The following DNAJC3 variants were observed in gnomAD, a reference collection of about 807,000 sequenced individuals.
DNAJC3 encodes the protein DnaJ heat shock protein family (Hsp40) member C3.
In DNAJC3, 38 loss-of-function variants were observed where a neutral mutation model predicts 68.6. The ratio of observed to expected loss-of-function variants is 0.55; its 90% CI spans 0.43 to 0.73. DNAJC3 has a LOEUF of 0.73. Ranked by LOEUF, DNAJC3 falls within the 30% of genes least tolerant of loss-of-function variation. The pLI, the probability that DNAJC3 is intolerant of heterozygous loss-of-function variation, is 0.00. For synonymous variants in DNAJC3, 203 were observed against 204.0 expected, an observed-to-expected ratio of 1.00 and a Z score of 0.04; for missense variants, 526 against 591.9, an observed-to-expected ratio of 0.89 and a Z score of 1.16.
At chr13:95,755,517 G>A (rs777887483) in intron 4 of DNAJC3, among the ~76,000 whole-genome samples, 27 of 151,926 alleles carry the variant, frequency 1.8e-4, no homozygotes, top group Admixed American at 3.3e-4. Flanking sequence ...CCAGCACTTT[G>A]GGAGGCTGAG....
In DNAJC3 at chr13:95,690,907, C is replaced by T. The variant is rs535082360; in HGVS notation, c.82+13570C>T. On this transcript the variant is annotated intron_variant, in intron 1 of 11. Transcript: ENST00000602402. ...TCACTTCCCAGACGGGGCGGCTGGC[C>T]GGGCGGGGGGCTGACCCCCCCCACC... 3.7e-3 allele frequency among the ~76,000 whole-genome samples: 505 copies of T among 135,012 alleles called. 2 individuals are homozygous for T. The highest frequency in any genetic ancestry group is 0.013 in the African/African-American group (474 of 35,198). The allele number at this position is 135,012 out of a possible 152,430, so 88.6% of individuals were successfully genotyped here.
chr13:95,717,584 G>C, intron 2 of DNAJC3, among the ~76,000 whole-genome samples: 1 of 152,250 alleles, frequency 6.6e-6, no homozygotes, highest in African/African-American at 2.4e-5. Flanking sequence ...CCCAAATCTC[G>C]AATTGTAGCT....
At chr13:95,753,521 C>T (rs1882552291) in intron 4 of DNAJC3, among the ~76,000 whole-genome samples, 1 of 151,994 alleles carries the variant, frequency 6.6e-6, no homozygotes, top group Non-Finnish European at 1.5e-5. Context: ...CTACTTATCC[C>T]AAAACATTAA....
intron 4 of DNAJC3, among the ~76,000 whole-genome samples, chr13:95,729,939 G>A (rs1248557751): frequency 1.3e-5 from 2 of 152,080 alleles, no homozygotes; most frequent in East Asian, 3.9e-4. Flanking sequence ...TATATTTTCT[G>A]TAGTCAACAG....
intron 1 of DNAJC3, among the ~76,000 whole-genome samples, chr13:95,708,967 C>T (rs147879940): frequency 1.1e-4 from 16 of 152,274 alleles, no homozygotes; most frequent in Non-Finnish European, 1.8e-4. Flanking sequence ...TTCTGCATTA[C>T]ACAACTTCCC....
At chr13:95,748,798 A>G (rs1250861748) in intron 4 of DNAJC3, among the ~76,000 whole-genome samples, 1 of 152,252 alleles carries the variant, frequency 6.6e-6, no homozygotes, top group Non-Finnish European at 1.5e-5. Context: ...CCTGGGTGAC[A>G]GAGCCAGACT....
rs575918710 is a variant in DNAJC3, at chr13:95,740,486, G to A, written c.393+15234G>A. The stretch of plus-strand genomic sequence containing the variant: ...AGACTCCGTGGGCGTAGGACCCTCC[G>A]AGCCAGGTGCCGGATATAATCTCGT... On this transcript the variant is annotated intron_variant, in intron 4 of 11. Coordinates refer to ENST00000602402, the MANE Select transcript of DNAJC3 (RefSeq NM_006260.5). 6.6e-4 allele frequency among the ~76,000 whole-genome samples: 99 copies of A among 150,668 alleles called. 1 individual carries two copies. The Middle Eastern group carries it at 0.01, about 16-fold the overall frequency.
intron 4 of DNAJC3, among the ~76,000 whole-genome samples, chr13:95,741,600 G>A (rs555671222): frequency 1.7e-4 from 26 of 152,240 alleles, no homozygotes; most frequent in Non-Finnish European, 3.5e-4. Context: ...CAGGTGGGTG[G>A]GTCCGTGGGT....
At chr13:95,723,197 A>T (rs750859022) in intron 2 of DNAJC3, 45 bp from the exon 3 acceptor site, 1 of 1,520,034 alleles carries the variant, frequency 6.6e-7, no homozygotes, top group Non-Finnish European at 8.9e-7. Flanking sequence ...TTAAATTTTT[A>T]TTTTTGAATA....
At chr13:95,724,249 T>C (rs1031436004) in intron 3 of DNAJC3, among the ~76,000 whole-genome samples, 2 of 152,144 alleles carry the variant, frequency 1.3e-5, no homozygotes, top group African/African-American at 4.8e-5. Flanking sequence ...TAGTTTAATC[T>C]TGCTTTTTAT....
At chr13:95,771,163 T>C (rs1883147484) in intron 9 of DNAJC3, among the ~76,000 whole-genome samples, 1 of 152,192 alleles carries the variant, frequency 6.6e-6, no homozygotes, top group South Asian at 2.1e-4. Context: ...CTTCAACTTG[T>C]ATATCATTAA....
At chr13:95,736,604 C>CA (rs1881930383) in intron 4 of DNAJC3, among the ~76,000 whole-genome samples, 1 of 151,728 alleles carries the variant, frequency 6.6e-6, no homozygotes, top group South Asian at 2.1e-4. Context: ...GGAGTTCACT[C>CA]ATGATTTGGC....
At chr13:95,682,452 C>T (rs530407982) in intron 1 of DNAJC3, among the ~76,000 whole-genome samples, 4 of 152,162 alleles carry the variant, frequency 2.6e-5, no homozygotes, top group African/African-American at 4.8e-5. Context: ...TTGTAACTCA[C>T]GTCATACCTT....
chr13:95,783,838 T>A (rs908268076), intron 9 of DNAJC3, among the ~76,000 whole-genome samples: 1 of 151,998 alleles, frequency 6.6e-6, no homozygotes, highest in Admixed American at 6.6e-5. Context: ...GGGCAGGACT[T>A]ATTGGGTGAA....
intron 2 of DNAJC3, among the ~76,000 whole-genome samples, chr13:95,715,699 G>GA (rs1391343874): frequency 6.6e-6 from 1 of 151,334 alleles, no homozygotes; most frequent in Admixed American, 6.6e-5. Context: ...TGTTGGCGAG[G>GA]ATGGTCTCGA....
Position 95,677,195 on chromosome 13 carries a change from G to C in DNAJC3, c.-61G>C. The C allele has an allele frequency of 9.2e-6, 14 of 1,515,090 alleles. No individual in the cohort carries two copies. The highest frequency in any genetic ancestry group is 1.2e-5 in the Non-Finnish European group (14 of 1,121,314). 93.9% of individuals were successfully genotyped at this position (1,515,090 alleles called of 1,614,324 possible). On this transcript the variant is annotated 5_prime_UTR_variant, in exon 1 of 12. Coordinates refer to ENST00000602402, the MANE Select transcript of DNAJC3 (RefSeq NM_006260.5). Reference sequence around the variant, plus strand: ...GCGGGCGGGCGCAGCTGCTGCCGGAGCGCCGGCGCGTGCTGGTGGGCCACA... The same window carrying C: ...GCGGGCGGGCGCAGCTGCTGCCGGACCGCCGGCGCGTGCTGGTGGGCCACA...
chr13:95,748,173 A>G (rs1488946954), intron 4 of DNAJC3, among the ~76,000 whole-genome samples: 1 of 152,200 alleles, frequency 6.6e-6, no homozygotes, highest in East Asian at 1.9e-4. Context: ...ATGAGATCCA[A>G]ATATAATTGG....
intron 5 of DNAJC3, among the ~76,000 whole-genome samples, chr13:95,758,666 G>T (rs1882736757): frequency 6.6e-6 from 1 of 151,778 alleles, no homozygotes; most frequent in South Asian, 2.1e-4. Context: ...AGGATCCAGA[G>T]AGTTCTAGCT....
intron 11 of DNAJC3, among the ~76,000 whole-genome samples, chr13:95,788,158 T>C (rs909058994): frequency 6.6e-6 from 1 of 152,232 alleles, no homozygotes; most frequent in Non-Finnish European, 1.5e-5. Flanking sequence ...TTTCAAGTAA[T>C]TTATAATCCA....
Sources: gnomAD v4.1 joint callset for allele counts (sites outside exome capture counted in the v4.1 genomes callset) on GRCh38, gnomAD v4.1.1 for gene constraint, MANE v1.5 for transcripts, NCBI Gene and HGNC (gene_info 2026-07-23, HGNC 2026-07-21) for gene names.